Variants in USP15 observed in about 807,000 individuals in gnomAD.
The protein encoded by USP15 is ubiquitin carboxyl-terminal hydrolase 15.
Under a neutral mutation model 127.1 loss-of-function variants are expected in USP15, and 18 were observed. That is an observed-to-expected ratio of 0.14 (90% CI 0.10 to 0.21). The LOEUF (loss-of-function observed/expected upper bound fraction) is 0.21. USP15 is among the 10% of genes least tolerant of loss of function. The probability of loss-of-function intolerance (pLI) is 1.00; values close to 1 mark genes in which losing one functional copy is unlikely to be tolerated. For missense variants in USP15, 805 were observed against 1,159.9 expected (o/e 0.69, Z 4.44); for synonymous variants, 364 against 393.7 (o/e 0.92, Z 0.89).
intron 8 of USP15, among the ~76,000 whole-genome samples, chr12:62,355,754 G>A (rs1328989668): frequency 6.7e-6 from 1 of 148,722 alleles, no homozygotes; most frequent in East Asian, 1.9e-4. Flanking sequence ...TGTCTAAAAA[G>A]GGAGGGAAAA....
intron 1 of USP15, among the ~76,000 whole-genome samples, chr12:62,288,997 T>A (rs1163785570): frequency 6.6e-6 from 1 of 152,214 alleles, no homozygotes; most frequent in East Asian, 1.9e-4. Context: ...TGCTAATATT[T>A]TCTTGAGGAA....
At chr12:62,321,722 C>G (rs1259306423) in intron 5 of USP15, 113 bp downstream of exon 5, 1 of 797,304 alleles carries the variant, frequency 1.3e-6, no homozygotes, top group East Asian at 3.3e-5. Flanking sequence ...CTTCCTCTTT[C>G]TAAACTCATC....
chr12:62,413,607 A>T lies in USP15; in HGVS notation c.*9232A>T, dbSNP rs1188264392. On this transcript the variant is annotated 3_prime_UTR_variant, in exon 22 of 22. Coordinates refer to ENST00000280377, the MANE Select transcript of USP15 (RefSeq NM_001252078.2). ...ATGAATCAACCACTGCTAGCTTCAG[A>T]CTTTTCTTCTGCAGCTTCCTTACCT... 6.6e-6 allele frequency: 1 copy of T among 152,130 alleles called. No individual in the cohort carries two copies. Among genetic ancestry groups the T allele is most frequent in the African/African-American group, 2.4e-5 (1 of 41,390 alleles). The allele number at this position is 152,130 out of a possible 1,614,324, so 9.4% of individuals were successfully genotyped here.
chr12:62,336,619 A>G (rs2065474296), intron 6 of USP15: 2 of 490,448 alleles, frequency 4.1e-6, no homozygotes, highest in Non-Finnish European at 5.3e-6. Context: ...GTACAAAACC[A>G]TTGTATTTTG....
intron 1 of USP15, among the ~76,000 whole-genome samples, chr12:62,265,405 G>A (rs542381565): frequency 3.3e-5 from 5 of 152,166 alleles, no homozygotes; most frequent in African/African-American, 7.2e-5. Flanking sequence ...TCTGGGAATC[G>A]GTGTTATTCA....
At position 62,350,503 on chromosome 12, in the gene USP15, GA is replaced by G. The variant is rs1001832019; in HGVS notation, c.770+1202del. 2.0e-5 allele frequency among the ~76,000 whole-genome samples: 3 copies of G among 151,798 alleles called. No individual in the cohort carries two copies. The East Asian group carries it at 5.8e-4, about 29-fold the overall frequency. The stretch of plus-strand genomic sequence containing the variant: ...CATATTTAAAAAGGAAAAATAAATG[GA>G]AAAAAGAACTTGTTACAAATGATAA... On this transcript the variant is annotated intron_variant, in intron 7 of 21. Coordinates refer to ENST00000280377, the MANE Select transcript of USP15 (RefSeq NM_001252078.2).
chr12:62,377,981 C>T (rs1192473586), intron 8 of USP15, among the ~76,000 whole-genome samples: 1 of 152,026 alleles, frequency 6.6e-6, no homozygotes, highest in Non-Finnish European at 1.5e-5. Context: ...CCAAGGCGGG[C>T]AGATCACCTG....
intron 6 of USP15, among the ~76,000 whole-genome samples, chr12:62,330,320 G>A (rs2065252621): frequency 6.6e-6 from 1 of 151,614 alleles, no homozygotes; most frequent in Admixed American, 6.6e-5. Flanking sequence ...TGGGCACAGT[G>A]GCTCATGCCT....
chr12:62,405,195 T>G lies in USP15; in HGVS notation c.*820T>G, dbSNP rs887030339. The stretch of plus-strand genomic sequence containing the variant: ...TTAAAATTTTTGCTGTCTGTTTTTC[T>G]CTACCCCATTTTGTGGTAATTTGGC... On this transcript the variant is annotated 3_prime_UTR_variant, in exon 22 of 22. Transcript: ENST00000280377. The G allele has an allele frequency of 7.9e-5, 12 of 152,170 alleles. No individual in the cohort carries two copies. Among genetic ancestry groups the G allele is most frequent in the Non-Finnish European group, 1.5e-4 (10 of 68,004 alleles). The allele number at this position is 152,170 out of a possible 1,614,324, so 9.4% of individuals were successfully genotyped here. A position where few individuals can be genotyped will look rare whatever the true frequency, so the allele number is the denominator to read the frequency against.
chr12:62,366,720 T>A, intron 8 of USP15, among the ~76,000 whole-genome samples: 1 of 152,226 alleles, frequency 6.6e-6, no homozygotes, highest in East Asian at 1.9e-4. Context: ...TTGAGATGCA[T>A]TCCATCAATA....
Position 62,384,526 on chromosome 12 carries a change from C to A in USP15, c.1473+224C>A, listed in dbSNP as rs1175337412. 4.6e-5 allele frequency among the ~76,000 whole-genome samples: 7 copies of A among 151,360 alleles called. No homozygotes were observed. The East Asian group carries it at 1.3e-3, about 29-fold the overall frequency. ...AGCAACGTGTGTCTTATAAAAAATT[C>A]TCAAAAGGCTTTTTATAGAGGTTTA... On this transcript the variant is annotated intron_variant, in intron 11 of 21. Coordinates refer to ENST00000280377, the MANE Select transcript of USP15 (RefSeq NM_001252078.2).
At chr12:62,328,204 A>G in intron 6 of USP15, 1 of 384,818 alleles carries the variant, frequency 2.6e-6, no homozygotes, top group Non-Finnish European at 5.2e-6. Context: ...GAGAAAATTC[A>G]GCAAGGTTGT....
chr12:62,266,097 T>C (rs752127489), intron 1 of USP15, among the ~76,000 whole-genome samples: 25 of 152,222 alleles, frequency 1.6e-4, no homozygotes, highest in Admixed American at 7.9e-4. Context: ...GCAAATGTCA[T>C]TTTGATCCAC....
intron 1 of USP15, among the ~76,000 whole-genome samples, chr12:62,265,140 T>C (rs1392502059): frequency 6.6e-6 from 1 of 152,196 alleles, no homozygotes; most frequent in Non-Finnish European, 1.5e-5. Context: ...GTCAATGATT[T>C]CGTTTATCTG....
intron 3 of USP15, among the ~76,000 whole-genome samples, chr12:62,306,977 G>T (rs1168668473): frequency 6.6e-6 from 1 of 152,070 alleles, no homozygotes; most frequent in African/African-American, 2.4e-5. Context: ...TCAATATGTG[G>T]CTTCTAAGAA....
At chr12:62,338,651 G>A (rs2065555279) in intron 6 of USP15, among the ~76,000 whole-genome samples, 1 of 151,954 alleles carries the variant, frequency 6.6e-6, no homozygotes. Flanking sequence ...TTTTTATAAG[G>A]TATAAGGAAG....
intron 1 of USP15, among the ~76,000 whole-genome samples, chr12:62,283,751 T>G (rs2063716736): frequency 6.6e-6 from 1 of 152,148 alleles, no homozygotes; most frequent in Non-Finnish European, 1.5e-5. Flanking sequence ...GAGACCAGCC[T>G]GGCTAAGATG....
intron 1 of USP15, among the ~76,000 whole-genome samples, chr12:62,290,559 G>A (rs905432575): frequency 5.3e-5 from 8 of 151,904 alleles, no homozygotes; most frequent in South Asian, 4.1e-4. Flanking sequence ...TTCTAAATTC[G>A]TCCTGCCAAT....
chr12:62,292,700 C>G (rs2137146918), intron 1 of USP15, among the ~76,000 whole-genome samples: 1 of 152,292 alleles, frequency 6.6e-6, no homozygotes, highest in South Asian at 2.1e-4. Context: ...CTGCCAGGAG[C>G]AGGCATTCAC....
Sources: gnomAD v4.1 joint callset for allele counts (sites outside exome capture counted in the v4.1 genomes callset) on GRCh38, gnomAD v4.1.1 for gene constraint, MANE v1.5 for transcripts, NCBI Gene and HGNC (gene_info 2026-07-23, HGNC 2026-07-21) for gene names.